OR51B5: variants seen among roughly 807,000 people sequenced by gnomAD.
The protein encoded by OR51B5 is olfactory receptor 51B5.
For missense variants in OR51B5, 456 were observed against 374.6 expected (o/e 1.22, Z -1.79); for synonymous variants, 186 against 144.8 (o/e 1.28, Z -2.04).
At chr11:5,380,778 A>C (rs1849596314) in intron 1 of OR51B5, among the ~76,000 whole-genome samples, 1 of 152,202 alleles carries the variant, frequency 6.6e-6, no homozygotes, top group Admixed American at 6.5e-5. Flanking sequence ...TCATCCTCAA[A>C]GGAAGAATGA....
chr11:5,412,164 T>C (rs1176044962), intron 1 of OR51B5, among the ~76,000 whole-genome samples: 1 of 152,224 alleles, frequency 6.6e-6, no homozygotes, highest in Non-Finnish European at 1.5e-5. Flanking sequence ...TCTGTGGATC[T>C]TTACAGATAT....
At chr11:5,398,468 T>C (rs1849916165) in intron 1 of OR51B5, among the ~76,000 whole-genome samples, 2 of 152,112 alleles carry the variant, frequency 1.3e-5, no homozygotes, top group African/African-American at 4.8e-5. Context: ...ACTAAGAAGA[T>C]ATGAATGCCA....
intron 1 of OR51B5, among the ~76,000 whole-genome samples, chr11:5,384,686 C>T (rs893257851): frequency 6.6e-6 from 1 of 152,180 alleles, no homozygotes; most frequent in Non-Finnish European, 1.5e-5. Context: ...GAAAAACAGT[C>T]ATTCACTTAT....
chr11:5,359,166 A>G (rs1849241173), intron 1 of OR51B5, among the ~76,000 whole-genome samples: 1 of 152,028 alleles, frequency 6.6e-6, no homozygotes, highest in South Asian at 2.1e-4. Flanking sequence ...GGAGAAGGAA[A>G]AAAAGGTATT....
intron 1 of OR51B5, among the ~76,000 whole-genome samples, chr11:5,348,585 G>C (rs577971610): frequency 8.5e-5 from 13 of 152,256 alleles, no homozygotes; most frequent in African/African-American, 3.1e-4. Context: ...CAGGGGTACA[G>C]ATTCACATAG....
intron 1 of OR51B5, among the ~76,000 whole-genome samples, chr11:5,420,914 C>T (rs1303536812): frequency 6.6e-6 from 1 of 152,042 alleles, no homozygotes; most frequent in Non-Finnish European, 1.5e-5. Context: ...AAGATGAATG[C>T]CCCTTGAAAT....
At chr11:5,487,306 T>C (rs750424111) in intron 1 of OR51B5, among the ~76,000 whole-genome samples, 2 of 152,174 alleles carry the variant, frequency 1.3e-5, no homozygotes, top group Non-Finnish European at 2.9e-5. Context: ...TTATTCTGGG[T>C]ATACAAATGT....
intron 1 of OR51B5, among the ~76,000 whole-genome samples, chr11:5,399,355 A>G (rs2647561): frequency 2.0e-5 from 3 of 151,946 alleles, no homozygotes; most frequent in Non-Finnish European, 2.9e-5. Flanking sequence ...CCTGAAAGAG[A>G]TATAGAGTGG....
intron 1 of OR51B5, among the ~76,000 whole-genome samples, chr11:5,489,953 G>A (rs1851558518): frequency 6.6e-6 from 1 of 152,172 alleles, no homozygotes; most frequent in African/African-American, 2.4e-5. Flanking sequence ...GGTCTTCAGA[G>A]GCATCTGGAT....
intron 1 of OR51B5, among the ~76,000 whole-genome samples, chr11:5,408,066 A>C (rs1304458429): frequency 6.6e-6 from 1 of 150,982 alleles, no homozygotes; most frequent in Non-Finnish European, 1.5e-5. Flanking sequence ...TTTTTCACTG[A>C]CCGTCCCTGA....
intron 1 of OR51B5, chr11:5,390,168 T>A (rs2736531): frequency 1.1e-5 from 18 of 1,613,582 alleles, no homozygotes; most frequent in Admixed American, 1.7e-5. Context: ...ACCGCTCCTC[T>A]CTGTGCTGTG....
chr11:5,443,954 C>G (rs1361939927), intron 1 of OR51B5, among the ~76,000 whole-genome samples: 1 of 152,056 alleles, frequency 6.6e-6, no homozygotes, highest in Non-Finnish European at 1.5e-5. Context: ...TAGGCACTAT[C>G]TCATACCCAC....
chr11:5,503,472 A>G (rs751786385), intron 1 of OR51B5, among the ~76,000 whole-genome samples: 5 of 152,238 alleles, frequency 3.3e-5, no homozygotes, highest in Non-Finnish European at 7.3e-5. Flanking sequence ...TTAAAAGGAA[A>G]GACTGCCTAT....
chr11:5,396,253 T>C (rs1849869637), intron 1 of OR51B5, among the ~76,000 whole-genome samples: 1 of 152,196 alleles, frequency 6.6e-6, no homozygotes, highest in East Asian at 1.9e-4. Flanking sequence ...TAAAAGGCAT[T>C]CAATTATGTA....
At chr11:5,412,812 C>T (rs1850170557) in intron 1 of OR51B5, among the ~76,000 whole-genome samples, 1 of 152,076 alleles carries the variant, frequency 6.6e-6, no homozygotes, top group Non-Finnish European at 1.5e-5. Flanking sequence ...GTGGAGCCCA[C>T]CACAGCTCAA....
chr11:5,345,751 C>T (rs1848980123), upstream of OR51B5: 2 of 151,680 alleles, frequency 1.3e-5, no homozygotes, highest in Admixed American at 1.3e-4. Flanking sequence ...AAAGATGCCA[C>T]CAAAGGAAAC....
intron 1 of OR51B5, among the ~76,000 whole-genome samples, chr11:5,412,055 G>C (rs971501219): frequency 1.3e-5 from 2 of 152,114 alleles, no homozygotes; most frequent in African/African-American, 2.4e-5. Context: ...TCACTTTTGA[G>C]GTAATTTGCT....
At chr11:5,429,110 C>T (rs1850493682) in intron 1 of OR51B5, among the ~76,000 whole-genome samples, 1 of 152,164 alleles carries the variant, frequency 6.6e-6, no homozygotes, top group Non-Finnish European at 1.5e-5. Flanking sequence ...CAGAGCCAGA[C>T]TCAGCACATG....
At chr11:5,486,686 G>A (rs1851504295) in intron 1 of OR51B5, among the ~76,000 whole-genome samples, 1 of 152,182 alleles carries the variant, frequency 6.6e-6, no homozygotes, top group South Asian at 2.1e-4. Flanking sequence ...CAGAGGGTAG[G>A]AAGGCAGATG....
Sources: allele counts gnomAD v4.1 joint callset (sites outside exome capture counted in the v4.1 genomes callset), GRCh38; gene constraint gnomAD v4.1.1; transcripts MANE v1.5; gene names NCBI Gene and HGNC (gene_info 2026-07-23, HGNC 2026-07-21).